ADARB2: variants seen among roughly 807,000 people sequenced by gnomAD.
The protein encoded by ADARB2 is inactive double-stranded RNA-specific editase B2.
ADARB2 carries 25 observed loss-of-function variants against 62.2 expected under a neutral mutation model. That is an observed-to-expected ratio of 0.40 (90% CI 0.29 to 0.56). The LOEUF is 0.56. Among genes scored for constraint, ADARB2 ranks in the 20% least tolerant of loss-of-function variants. The pLI is 0.43. For missense variants in ADARB2, 1,071 were observed against 1,077.4 expected, an observed-to-expected ratio of 0.99 and a Z score of 0.08; for synonymous variants, 572 against 500.8, an observed-to-expected ratio of 1.14 and a Z score of -1.90.
At chr10:1,487,787 C>G (rs1831562264) in intron 1 of ADARB2, among the ~76,000 whole-genome samples, 1 of 152,070 alleles carries the variant, frequency 6.6e-6, no homozygotes, top group South Asian at 2.1e-4. Context: ...CTCTGAAGAA[C>G]CAAGAGTGGT....
At chr10:1,570,286 T>A (rs1052366832) in intron 1 of ADARB2, among the ~76,000 whole-genome samples, 6 of 152,342 alleles carry the variant, frequency 3.9e-5, no homozygotes, top group African/African-American at 1.2e-4. Flanking sequence ...TGCTTTTTTT[T>A]AAGATGTACT....
At chr10:1,485,536 C>T (rs998681653) in intron 1 of ADARB2, among the ~76,000 whole-genome samples, 2 of 152,152 alleles carry the variant, frequency 1.3e-5, no homozygotes, top group African/African-American at 2.4e-5. Flanking sequence ...CTGGCCGCTG[C>T]CCACTTGCAG....
intron 1 of ADARB2, among the ~76,000 whole-genome samples, chr10:1,516,245 C>A (rs1256704403): frequency 6.6e-6 from 1 of 152,164 alleles, no homozygotes; most frequent in African/African-American, 2.4e-5. Flanking sequence ...AATAAACCAC[C>A]TTCCCTCCAT....
chr10:1,398,101 C>T lies in ADARB2; in HGVS notation c.101-18941G>A, dbSNP rs1336533373. 2.7e-5 allele frequency among the ~76,000 whole-genome samples: 4 copies of T among 147,062 alleles called. No individual in the cohort carries two copies. The highest frequency in any genetic ancestry group is 7.6e-5 in the African/African-American group (3 of 39,406). ...GGGTCACCGCCCTCCTCTCCCCTCC[C>T]GAGTGCAGGCTTCCTGGGTCACCAT... On this transcript the variant is annotated intron_variant, in intron 1 of 9. Coordinates refer to ENST00000381312, the MANE Select transcript of ADARB2 (RefSeq NM_018702.4). The surrounding 1 kb of genome is among the most constrained non-coding windows in gnomAD (Gnocchi z 4.1).
intron 1 of ADARB2, among the ~76,000 whole-genome samples, chr10:1,612,360 C>G (rs1400780883): frequency 6.6e-6 from 1 of 152,226 alleles, no homozygotes; most frequent in African/African-American, 2.4e-5. Flanking sequence ...GACCCGAGGC[C>G]TGAGCTCCAG....
intron 1 of ADARB2, among the ~76,000 whole-genome samples, chr10:1,492,961 G>A (rs111853067): frequency 1.2e-4 from 19 of 152,304 alleles, no homozygotes; most frequent in African/African-American, 4.3e-4. Flanking sequence ...CACTTGCCGA[G>A]CAAGGCCACA....
At chr10:1,671,298 A>T (rs960451696) in intron 1 of ADARB2, among the ~76,000 whole-genome samples, 1 of 152,132 alleles carries the variant, frequency 6.6e-6, no homozygotes, top group Admixed American at 6.5e-5. Context: ...TATTCATTAC[A>T]TCCCAGCAGA....
intron 3 of ADARB2, among the ~76,000 whole-genome samples, chr10:1,280,121 C>T (rs971764260): frequency 3.9e-5 from 6 of 152,174 alleles, no homozygotes; most frequent in South Asian, 4.1e-4. Flanking sequence ...GGTGTCACCT[C>T]TTACAAGAAC....
intron 3 of ADARB2, among the ~76,000 whole-genome samples, chr10:1,279,219 G>A (rs146032482): frequency 1.1e-4 from 17 of 152,266 alleles, no homozygotes; most frequent in African/African-American, 2.6e-4. Context: ...CTCTTGGCGC[G>A]TGGGTGCTGC....
chr10:1,711,271 G>T (rs1564201620), intron 1 of ADARB2, among the ~76,000 whole-genome samples: 1 of 152,108 alleles, frequency 6.6e-6, no homozygotes, highest in Non-Finnish European at 1.5e-5. Flanking sequence ...CTATCTGTGA[G>T]AACAAACTCA....
At chr10:1,290,534 G>A (rs1339148571) in intron 3 of ADARB2, 3 of 152,236 alleles carry the variant, frequency 2.0e-5, no homozygotes, top group Non-Finnish European at 2.9e-5. Flanking sequence ...CTATCCCTAT[G>A]TTTAAATTCT....
At chr10:1,361,420 A>G (rs555550065) in intron 3 of ADARB2, 4 of 152,272 alleles carry the variant, frequency 2.6e-5, no homozygotes, top group East Asian at 1.9e-4. Flanking sequence ...TTTTACTTAC[A>G]TTGTGTTTTT....
intron 1 of ADARB2, among the ~76,000 whole-genome samples, chr10:1,583,761 G>C (rs948910208): frequency 4.6e-5 from 7 of 152,194 alleles, no homozygotes; most frequent in Non-Finnish European, 1.0e-4. Context: ...GAGGCAAAAG[G>C]CCCAGAGTAG....
At chr10:1,413,569 C>A (rs1832776630) in intron 1 of ADARB2, among the ~76,000 whole-genome samples, 1 of 152,114 alleles carries the variant, frequency 6.6e-6, no homozygotes, top group Admixed American at 6.5e-5. Context: ...TGAAAGGGTC[C>A]TCCTATCGGC....
chr10:1,705,394 C>T (rs2119145507), intron 1 of ADARB2, among the ~76,000 whole-genome samples: 1 of 152,162 alleles, frequency 6.6e-6, no homozygotes, highest in African/African-American at 2.4e-5. Flanking sequence ...TCCTGGGGGA[C>T]CGGAGAGGAC....
intron 1 of ADARB2, among the ~76,000 whole-genome samples, chr10:1,615,648 T>C (rs1038966636): frequency 6.6e-6 from 1 of 152,206 alleles, no homozygotes; most frequent in African/African-American, 2.4e-5. Flanking sequence ...CCCCCAGGAC[T>C]TGGGTATGCT....
At position 1,265,012 on chromosome 10, in the gene ADARB2, A is replaced by G. The variant is rs367621966; in HGVS notation, c.1192+5943T>C. The stretch of plus-strand genomic sequence containing the variant: ...TTTTTTCTAGTTATTAATAAACTCG[A>G]AAAATAATTTCCCATAAAGAGGTAA... On this transcript the variant is annotated intron_variant, in intron 4 of 9. Transcript: ENST00000381312. 2.2e-3 allele frequency among the ~76,000 whole-genome samples: 340 copies of G among 152,340 alleles called. 1 individual carries two copies. The highest frequency in any genetic ancestry group is 7.7e-3 in the African/African-American group (320 of 41,570).
intron 3 of ADARB2, among the ~76,000 whole-genome samples, chr10:1,327,055 CT>C (rs1831863843): frequency 3.3e-5 from 3 of 92,050 alleles, no homozygotes; most frequent in African/African-American, 4.3e-5. Flanking sequence ...CGCCTCCCCA[CT>C]GCCCAGCGCC....
chr10:1,730,638 C>T (rs1440832599), intron 1 of ADARB2, among the ~76,000 whole-genome samples: 1 of 151,398 alleles, frequency 6.6e-6, no homozygotes, highest in Admixed American at 6.6e-5. Flanking sequence ...TCATCTTTCT[C>T]TTCGAACTTA....
Sources: gnomAD v4.1 joint callset for allele counts (sites outside exome capture counted in the v4.1 genomes callset) on GRCh38, gnomAD v4.1.1 for gene constraint, Gnocchi (gnomAD v3.1) non-coding constraint, MANE v1.5 for transcripts, NCBI Gene and HGNC (gene_info 2026-07-23, HGNC 2026-07-21) for gene names.